EML6: variants seen among roughly 807,000 people sequenced by gnomAD.
EML6 encodes the protein echinoderm microtubule-associated protein-like 6.
A neutral mutation model predicts 240.1 loss-of-function variants in EML6; 154 were observed. The ratio of observed to expected loss-of-function variants is 0.64; its 90% CI spans 0.56 to 0.73. The LOEUF is 0.73. Ranked by LOEUF, EML6 falls within the 30% of genes least tolerant of loss-of-function variation. The pLI is 0.00. For missense variants in EML6, 2,964 were observed against 2,474.6 expected (o/e 1.20, Z -4.20); for synonymous variants, 1,148 against 899.0 (o/e 1.28, Z -4.95).
intron 17 of EML6, chr2:54,880,274 CA>C (rs1348471898): frequency 2.0e-5 from 3 of 152,264 alleles, no homozygotes; most frequent in Non-Finnish European, 4.4e-5. Flanking sequence ...CAACCCTGAT[CA>C]GGGGTCAAAA....
At position 54,866,919 on chromosome 2, in the gene EML6, C is replaced by G. The variant is rs767078920; in HGVS notation, c.2051+35C>G. 1.9e-5 allele frequency: 24 copies of G among 1,282,016 alleles called. 1 individual carries two copies. Among genetic ancestry groups the G allele is most frequent in the Middle Eastern group, 3.7e-4 (2 of 5,386 alleles). The allele number at this position is 1,282,016 out of a possible 1,614,324, so 79.4% of individuals were successfully genotyped here. A position where few individuals can be genotyped will look rare whatever the true frequency, so the allele number is the denominator to read the frequency against. Reference sequence around the variant, plus strand: ...CTGTCATGGGCGCCCGTATGTGTTCCTCTGTCTCTGCCTGGCTGTCACCAA... The same window carrying G: ...CTGTCATGGGCGCCCGTATGTGTTCGTCTGTCTCTGCCTGGCTGTCACCAA... On this transcript the variant is annotated intron_variant, in intron 14 of 41. Coordinates refer to ENST00000356458, the MANE Select transcript of EML6 (RefSeq NM_001039753.4).
intron 3 of EML6, among the ~76,000 whole-genome samples, chr2:54,813,729 C>T (rs1490294239): frequency 6.6e-6 from 1 of 152,186 alleles, no homozygotes; most frequent in Non-Finnish European, 1.5e-5. Flanking sequence ...TAGACCAAGC[C>T]TTATTCATAG....
At chr2:54,777,179 C>T (rs1668641591) in intron 2 of EML6, among the ~76,000 whole-genome samples, 1 of 152,072 alleles carries the variant, frequency 6.6e-6, no homozygotes, top group Admixed American at 6.5e-5. Flanking sequence ...TCTGCTAGCC[C>T]TGAAAATGAA....
At chr2:54,964,369 G>A (rs1431914775) in intron 37 of EML6, among the ~76,000 whole-genome samples, 1 of 152,236 alleles carries the variant, frequency 6.6e-6, no homozygotes, top group East Asian at 1.9e-4. Flanking sequence ...ACTTGTAAAT[G>A]TCATTCTACA....
At chr2:54,817,575 G>C (rs1157552684) in intron 4 of EML6, among the ~76,000 whole-genome samples, 1 of 152,096 alleles carries the variant, frequency 6.6e-6, no homozygotes, top group Non-Finnish European at 1.5e-5. Context: ...CCAGTCTTTT[G>C]GCTTCCCTGG....
chr2:54,846,417 A>T (rs7594597), intron 8 of EML6, among the ~76,000 whole-genome samples: 1 of 150,948 alleles, frequency 6.6e-6, no homozygotes, highest in African/African-American at 2.4e-5. Context: ...ATATTGATCT[A>T]TATATTGAGA....
At chr2:54,961,184 G>GTTGTTTTTTTTTTGTTTGTTTTTTTTT in intron 35 of EML6, among the ~76,000 whole-genome samples, 4 of 55,424 alleles carry the variant, frequency 7.2e-5, no homozygotes, top group Non-Finnish European at 1.3e-4. Flanking sequence ...TCAGGAAGTA[G>GTTGTTTTTTTTTTGTTTGTTTTTTTTT]TTTTTTTTTT....
In EML6 at chr2:54,899,783, G is replaced by A; in HGVS notation, c.3124+1G>A. Reference sequence around the variant, plus strand: ...CTGGCAGTACGGAAACTCAAAAAAGGTACATAACACCACCTTACACATCTG... The same window carrying A: ...CTGGCAGTACGGAAACTCAAAAAAGATACATAACACCACCTTACACATCTG... On this transcript the variant is annotated splice_donor_variant, in intron 22 of 41. Transcript: ENST00000356458. LOFTEE classifies it high-confidence loss of function. 6.5e-7 allele frequency: 1 copy of A among 1,550,274 alleles called. No homozygotes were observed. Among genetic ancestry groups the A allele is most frequent in the Non-Finnish European group, 8.7e-7 (1 of 1,146,342 alleles).
At chr2:54,960,077 AG>A (rs1416357935) in intron 34 of EML6, 142 bp from the exon 35 acceptor site, 6 of 616,254 alleles carry the variant, frequency 9.7e-6, no homozygotes, top group African/African-American at 3.7e-5. Flanking sequence ...GGCTGCCTGG[AG>A]GGTCTGGACC....
At chr2:54,917,080 C>G in intron 26 of EML6, 145 bp downstream of exon 26, 1 of 617,946 alleles carries the variant, frequency 1.6e-6, no homozygotes, top group Non-Finnish European at 2.7e-6. Context: ...ACCTCCCTGA[C>G]ATTGTGTTTG....
Position 54,731,030 on chromosome 2 carries a change from A to G in EML6, c.197+5772A>G, listed in dbSNP as rs375514017. On this transcript the variant is annotated intron_variant, in intron 2 of 41. Coordinates refer to ENST00000356458, the MANE Select transcript of EML6 (RefSeq NM_001039753.4). Reference sequence around the variant, plus strand: ...TGAATGGGGGTATGGAAGCCACCTTAGGCAAGATTTCCAGAGCAGCTCTCT... The same window carrying G: ...TGAATGGGGGTATGGAAGCCACCTTGGGCAAGATTTCCAGAGCAGCTCTCT... Among the ~76,000 whole-genome samples, 5 of 152,228 alleles carry G rather than the reference A, an allele frequency of 3.3e-5. No individual in the cohort carries two copies. The East Asian group carries it at 7.7e-4, about 23-fold the overall frequency.
At position 54,957,814 on chromosome 2, in the gene EML6, G is replaced by A. The variant is rs1450382211; in HGVS notation, c.4511G>A (p.Gly1504Asp). 1 of 1,549,864 alleles carries A rather than the reference G, an allele frequency of 6.5e-7. No homozygotes were observed. Among genetic ancestry groups the A allele is most frequent in the Non-Finnish European group, 8.7e-7 (1 of 1,147,006 alleles). ...GGTGCCAAGGTTGCCAGCCGAGGGG[G>A]TCACCTGGAGCGCATATTTGTGGTG... ...QEGAKVASRG[G>D]HLERIFVVEF... The change falls in exon 33 of 42, where the codon GGT becomes GAT. Residue 1504 changes from glycine to aspartate, a missense_variant. By Grantham distance (94) the Gly-to-Asp change is moderately conservative. Coordinates refer to ENST00000356458, the MANE Select transcript of EML6 (RefSeq NM_001039753.4).
chr2:54,958,084 A>T, intron 33 of EML6, 86 bp downstream of exon 33: 1 of 1,214,620 alleles, frequency 8.2e-7, no homozygotes, highest in Non-Finnish European at 1.1e-6. Context: ...AGTTTGGCCA[A>T]GAGGCTGAAA....
intron 2 of EML6, among the ~76,000 whole-genome samples, chr2:54,789,310 G>C (rs997215811): frequency 6.6e-6 from 1 of 151,732 alleles, no homozygotes; most frequent in East Asian, 1.9e-4. Context: ...TCAGGAGATC[G>C]AGACCATCCT....
rs1352443381 is a variant in EML6, at chr2:54,971,802, G to A, written c.*1707G>A. The A allele has an allele frequency of 2.0e-5, 3 of 152,192 alleles. No individual in the cohort carries two copies. The highest frequency in any genetic ancestry group is 1.9e-4 in the East Asian group (1 of 5,194). The allele number at this position is 152,192 out of a possible 1,614,324, so 9.4% of individuals were successfully genotyped here. ...GTGGAAGAACAATGAATCGATTAAT[G>A]ATGACATGTACAACCATATTTAAAG... On this transcript the variant is annotated 3_prime_UTR_variant, in exon 42 of 42. Coordinates refer to ENST00000356458, the MANE Select transcript of EML6 (RefSeq NM_001039753.4).
At chr2:54,908,241 A>T (rs1005419925) in intron 24 of EML6, among the ~76,000 whole-genome samples, 3 of 146,196 alleles carry the variant, frequency 2.1e-5, no homozygotes, top group Non-Finnish European at 4.5e-5. Context: ...ACAGGGTCCC[A>T]CTCTGTCACC....
chr2:54,849,069 A>G (rs1669927718), intron 9 of EML6, among the ~76,000 whole-genome samples: 1 of 152,198 alleles, frequency 6.6e-6, no homozygotes, highest in Non-Finnish European at 1.5e-5. Flanking sequence ...CCAACTTTTG[A>G]AACAAAAATT....
chr2:54,880,868 T>A (rs1234859511), intron 17 of EML6: 1 of 152,204 alleles, frequency 6.6e-6, no homozygotes, highest in African/African-American at 2.4e-5. Context: ...GCAACAGAAA[T>A]GCAATTTTCC....
At chr2:54,886,139 CTTTTTTTTTTTTTTAACCTTCTTT>C (rs1672122509) in intron 17 of EML6, among the ~76,000 whole-genome samples, 2 of 125,464 alleles carry the variant, frequency 1.6e-5, no homozygotes, top group East Asian at 2.2e-4. Flanking sequence ...CAAATGTTTC[CTTTTTTTTTTTTTTAACCTTCTTT>C]TTTTTTTTTT....
Sources: allele counts gnomAD v4.1 joint callset (sites outside exome capture counted in the v4.1 genomes callset), GRCh38; gene constraint gnomAD v4.1.1; transcripts MANE v1.5; gene names NCBI Gene and HGNC (gene_info 2026-07-23, HGNC 2026-07-21).